Variants in CAST observed in about 807,000 individuals in gnomAD.
CAST encodes the protein calpastatin.
In CAST, 76 loss-of-function variants were observed where a neutral mutation model predicts 119.6. That is an observed-to-expected ratio of 0.64 (90% CI 0.53 to 0.77). The LOEUF (loss-of-function observed/expected upper bound fraction) is 0.77, where lower values mean the gene tolerates loss of function less well. Among genes scored for constraint, CAST ranks in the 30% least tolerant of loss-of-function variants. The probability of loss-of-function intolerance (pLI) is 0.00; values close to 1 mark genes in which losing one functional copy is unlikely to be tolerated. For missense variants in CAST, 953 were observed against 946.5 expected (o/e 1.01, Z -0.09); for synonymous variants, 319 against 331.6 (o/e 0.96, Z 0.41).
chr5:96,028,862 A>G, the CAST span, among the ~76,000 whole-genome samples: 1 of 152,052 alleles, frequency 6.6e-6, no homozygotes, highest in East Asian at 1.9e-4. Flanking sequence ...TCAATTTTGG[A>G]CTCTGATTTA....
In CAST at chr5:96,740,769, C is replaced by T. The variant is rs1235134025; in HGVS notation, c.904C>T (p.Pro302Ser). 1.3e-6 allele frequency: 2 copies of T among 1,597,178 alleles called. No individual in the cohort carries two copies. The highest frequency in any genetic ancestry group is 1.1e-5 in the South Asian group (1 of 90,752). ...LAKKEGITGP[P>S]ADSSKPIGPD... ...GAAAAAGGAAGGGATCACAGGGCCTCCTGCAGACTCTTCGGTGAGTTTACA... is the reference window on the plus strand; with the variant it reads ...GAAAAAGGAAGGGATCACAGGGCCTTCTGCAGACTCTTCGGTGAGTTTACA... Residue 302 changes from proline to serine, a missense_variant, in exon 13 of 32, where the codon CCT (proline) becomes TCT (serine). Pro to Ser is a moderately conservative substitution (Grantham distance 74). Transcript: ENST00000675179.
intron 1 of CAST, among the ~76,000 whole-genome samples, chr5:96,592,404 A>T (rs1746977996): frequency 6.6e-6 from 1 of 152,118 alleles, no homozygotes; most frequent in Non-Finnish European, 1.5e-5. Flanking sequence ...TTGTCTCAAA[A>T]AAAGGGGGGG....
the CAST span, among the ~76,000 whole-genome samples, chr5:96,028,010 C>T: frequency 1.3e-5 from 2 of 152,058 alleles, no homozygotes. Context: ...GAGAATATTG[C>T]TAGGAAAACA....
intron 3 of CAST, among the ~76,000 whole-genome samples, chr5:96,696,973 C>T (rs1269856831): frequency 1.3e-5 from 2 of 152,000 alleles, no homozygotes; most frequent in Non-Finnish European, 2.9e-5. Context: ...CCAGCCTGGC[C>T]AAGATGGTGA....
At chr5:95,996,804 T>G in the CAST span, among the ~76,000 whole-genome samples, 1 of 152,138 alleles carries the variant, frequency 6.6e-6, no homozygotes, top group Admixed American at 6.6e-5. Context: ...GTGATTTGGA[T>G]GCACATGGTC....
chr5:96,249,445 T>C, the CAST span, among the ~76,000 whole-genome samples: 2 of 152,340 alleles, frequency 1.3e-5, no homozygotes, highest in South Asian at 2.1e-4. Flanking sequence ...ACTTTCCTCA[T>C]AGGATTGTTG....
the CAST span, among the ~76,000 whole-genome samples, chr5:96,428,342 A>G: frequency 6.6e-6 from 1 of 152,190 alleles, no homozygotes; most frequent in African/African-American, 2.4e-5. Flanking sequence ...AGGTTGTCCT[A>G]GGTAACAAAA....
the CAST span, among the ~76,000 whole-genome samples, chr5:96,493,949 C>T: frequency 2.0e-5 from 3 of 152,100 alleles, no homozygotes; most frequent in Admixed American, 1.3e-4. Context: ...GCAGGAGAAT[C>T]GCTTGAACCT....
chr5:96,041,537 A>G, the CAST span, among the ~76,000 whole-genome samples: 1 of 152,188 alleles, frequency 6.6e-6, no homozygotes, highest in Non-Finnish European at 1.5e-5. Context: ...AACTACATAA[A>G]TCTAAATAAA....
At chr5:96,375,916 TATATAA>T in the CAST span, among the ~76,000 whole-genome samples, 1 of 146,570 alleles carries the variant, frequency 6.8e-6, no homozygotes, top group African/African-American at 2.5e-5. Flanking sequence ...TATATATAAA[TATATAA>T]ATATAAATAT....
the CAST span, among the ~76,000 whole-genome samples, chr5:95,979,556 T>G: frequency 6.6e-6 from 1 of 152,068 alleles, no homozygotes. Flanking sequence ...TGGGGAAGAG[T>G]TGAAAAAGGC....
the CAST span, among the ~76,000 whole-genome samples, chr5:96,519,947 A>T: frequency 6.6e-6 from 1 of 152,168 alleles, no homozygotes; most frequent in Non-Finnish European, 1.5e-5. Context: ...TTTTTAAAAA[A>T]ACTATTTATT....
intron 22 of CAST, among the ~76,000 whole-genome samples, chr5:96,755,749 T>C (rs1766165317): frequency 6.6e-6 from 1 of 152,254 alleles, no homozygotes; most frequent in Non-Finnish European, 1.5e-5. Flanking sequence ...ATTGAAAGTT[T>C]ATTATTCTGG....
At chr5:96,187,847 CTG>C in the CAST span, among the ~76,000 whole-genome samples, 1 of 152,346 alleles carries the variant, frequency 6.6e-6, no homozygotes, top group South Asian at 2.1e-4. Flanking sequence ...TCTTGACTGA[CTG>C]TGGTGATGGT....
the CAST span, among the ~76,000 whole-genome samples, chr5:96,114,857 T>C: frequency 6.6e-6 from 1 of 152,210 alleles, no homozygotes; most frequent in Non-Finnish European, 1.5e-5. Context: ...TGCTTTGCAA[T>C]GCTGTTTTCT....
chr5:96,609,509 A>G (rs1451235767), intron 1 of CAST, among the ~76,000 whole-genome samples: 2 of 152,226 alleles, frequency 1.3e-5, no homozygotes, highest in Non-Finnish European at 2.9e-5. Context: ...GATATTCTGC[A>G]GTTCCAACAG....
the CAST span, among the ~76,000 whole-genome samples, chr5:96,409,493 A>G: frequency 1.3e-5 from 2 of 152,192 alleles, no homozygotes; most frequent in African/African-American, 4.8e-5. Context: ...GACTGTCTCA[A>G]ATAGAATCCA....
the CAST span, among the ~76,000 whole-genome samples, chr5:96,499,723 C>T: frequency 2.0e-4 from 31 of 152,276 alleles, no homozygotes; most frequent in African/African-American, 6.7e-4. Flanking sequence ...TCAATCCTCT[C>T]GAACCCTGCT....
chr5:96,758,300 A>G (rs1766802687), intron 24 of CAST, among the ~76,000 whole-genome samples: 1 of 152,218 alleles, frequency 6.6e-6, no homozygotes, highest in Non-Finnish European at 1.5e-5. Flanking sequence ...ACTTAGCTCC[A>G]TGTGGAATAT....
Sources: gnomAD v4.1 joint callset for allele counts (sites outside exome capture counted in the v4.1 genomes callset) on GRCh38, gnomAD v4.1.1 for gene constraint, MANE v1.5 for transcripts, NCBI Gene and HGNC (gene_info 2026-07-23, HGNC 2026-07-21) for gene names.